Variants in IGSF11 observed in about 807,000 individuals in gnomAD.
The protein encoded by IGSF11 is immunoglobulin superfamily member 11, also known as CXADR like 1.
A neutral mutation model predicts 41.0 loss-of-function variants in IGSF11; 22 were observed. The observed-to-expected ratio is 0.54, with a 90% CI of 0.38 to 0.77. The LOEUF is 0.77. Ranked by LOEUF, IGSF11 falls within the 30% of genes least tolerant of loss-of-function variation. The probability of loss-of-function intolerance (pLI) is 0.00; values close to 1 mark genes in which losing one functional copy is unlikely to be tolerated. For synonymous variants in IGSF11, 219 were observed against 201.3 expected (o/e 1.09, Z -0.74); for missense variants, 444 against 530.8 (o/e 0.84, Z 1.61).
chr3:119,002,307 T>G (rs1443073172), intron 1 of IGSF11, among the ~76,000 whole-genome samples: 1 of 149,548 alleles, frequency 6.7e-6, no homozygotes. Flanking sequence ...TCACCCACTT[T>G]TTGATGGGGT....
At chr3:119,053,515 G>A (rs1941707653) in intron 1 of IGSF11, among the ~76,000 whole-genome samples, 1 of 152,128 alleles carries the variant, frequency 6.6e-6, no homozygotes. Flanking sequence ...AGAAATTATA[G>A]GTGACACAAA....
At position 119,074,865 on chromosome 3, in the gene IGSF11, A is replaced by C. The variant is rs544995500; in HGVS notation, c.49+30279T>G. Reference sequence around the variant, plus strand: ...AGACTCCGTCTCAAAAAAATAAATAAAATAAACAAAAAAAAAGTTAGAAAG... The same window carrying C: ...AGACTCCGTCTCAAAAAAATAAATACAATAAACAAAAAAAAAGTTAGAAAG... On this transcript the variant is annotated intron_variant, in intron 1 of 6. Transcript: ENST00000354673. 5.9e-5 allele frequency among the ~76,000 whole-genome samples: 9 copies of C among 152,198 alleles called. No individual in the cohort carries two copies. In the South Asian group the frequency reaches 1.7e-3, roughly 28 times the overall value.
chr3:119,040,566 C>T (rs186946160), intron 1 of IGSF11, among the ~76,000 whole-genome samples: 24 of 152,292 alleles, frequency 1.6e-4, no homozygotes, highest in African/African-American at 5.8e-4. Flanking sequence ...TTTAAAATCC[C>T]TCTCCCCGTT....
intron 1 of IGSF11, among the ~76,000 whole-genome samples, chr3:119,136,434 T>C (rs930181328): frequency 5.9e-5 from 9 of 152,022 alleles, no homozygotes; most frequent in Non-Finnish European, 1.2e-4. Flanking sequence ...AGAAACACAC[T>C]TCACCTATGA....
At chr3:118,983,371 T>C (rs145332067) in intron 1 of IGSF11, 16 of 152,246 alleles carry the variant, frequency 1.1e-4, no homozygotes, top group African/African-American at 3.6e-4. Context: ...AGAAGTGTGC[T>C]CCAGAATACA....
chr3:119,112,350 G>A (rs895643895), intron 1 of IGSF11, among the ~76,000 whole-genome samples: 12 of 152,194 alleles, frequency 7.9e-5, no homozygotes, highest in Non-Finnish European at 1.2e-4. Context: ...ATCTCAGAGT[G>A]TTGTGCTAGC....
chr3:118,928,459 G>T, intron 3 of IGSF11, 50 bp downstream of exon 3: 1 of 1,438,610 alleles, frequency 7.0e-7, no homozygotes, highest in Non-Finnish European at 9.8e-7. Context: ...ATGCTTGAGA[G>T]TAGCTTCGTG....
chr3:119,122,312 A>G (rs1415674400), intron 1 of IGSF11, among the ~76,000 whole-genome samples: 2 of 152,148 alleles, frequency 1.3e-5, no homozygotes, highest in Admixed American at 6.5e-5. Flanking sequence ...AGAAAACAGA[A>G]CCGAACTGTA....
intron 1 of IGSF11, among the ~76,000 whole-genome samples, chr3:119,001,934 G>C (rs1460142109): frequency 7.3e-6 from 1 of 136,838 alleles, no homozygotes; most frequent in African/African-American, 3.0e-5. Flanking sequence ...ATAAACATAA[G>C]TGTGCATGTG....
chr3:119,058,916 T>C (rs376801170), intron 1 of IGSF11, among the ~76,000 whole-genome samples: 1 of 151,798 alleles, frequency 6.6e-6, no homozygotes, highest in Non-Finnish European at 1.5e-5. Context: ...TAGGTGGGAA[T>C]TGAACAATGA....
chr3:118,977,914 C>G (rs1934298549), intron 1 of IGSF11, among the ~76,000 whole-genome samples: 1 of 152,156 alleles, frequency 6.6e-6, no homozygotes, highest in Admixed American at 6.5e-5. Context: ...GGTCAAGAGT[C>G]TAGAGCAACA....
intron 6 of IGSF11, among the ~76,000 whole-genome samples, chr3:118,903,596 T>C (rs1939194319): frequency 6.6e-6 from 1 of 152,154 alleles, no homozygotes. Context: ...TATCCTGGGG[T>C]AGACTCTATC....
intron 1 of IGSF11, 27 bp from the exon 2 acceptor site, chr3:118,930,302 T>G: frequency 6.3e-7 from 1 of 1,594,052 alleles, no homozygotes; most frequent in Non-Finnish European, 8.5e-7. Context: ...AGGGAGGTTA[T>G]ATGCTCGCCC....
intron 1 of IGSF11, among the ~76,000 whole-genome samples, chr3:118,975,248 A>G (rs1325010414): frequency 6.6e-6 from 1 of 152,180 alleles, no homozygotes; most frequent in Non-Finnish European, 1.5e-5. Flanking sequence ...TGTTTTTTAA[A>G]ATGTTATCCC....
chr3:118,999,910 T>C (rs1008044764), intron 1 of IGSF11, among the ~76,000 whole-genome samples: 3 of 152,002 alleles, frequency 2.0e-5, no homozygotes, highest in Non-Finnish European at 4.4e-5. Flanking sequence ...CCCAGAGTTG[T>C]TGGAAAACAA....
Position 119,034,516 on chromosome 3 carries a change from GC to G in IGSF11, c.52+14del, listed in dbSNP as rs779221969. ...GGCCTGGCCCCACCGGGAAGAAAGG[GC>G]TGGAGCTACTCACCGTGCAGAGAGA... On this transcript the variant is annotated intron_variant, in intron 1 of 6. Coordinates refer to ENST00000393775, the MANE Select transcript of IGSF11 (RefSeq NM_001015887.3). 1 of 1,567,830 alleles carries G rather than the reference GC, an allele frequency of 6.4e-7. No individual in the cohort carries two copies. Among genetic ancestry groups the G allele is most frequent in the Non-Finnish European group, 8.6e-7 (1 of 1,156,990 alleles).
chr3:118,907,287 C>A (rs760577232), intron 4 of IGSF11, among the ~76,000 whole-genome samples: 7 of 152,108 alleles, frequency 4.6e-5, no homozygotes, highest in Non-Finnish European at 8.8e-5. Context: ...TTTATTAATT[C>A]ATTCATTTAA....
intron 1 of IGSF11, among the ~76,000 whole-genome samples, chr3:119,054,614 C>A (rs1237369895): frequency 6.6e-6 from 1 of 152,172 alleles, no homozygotes; most frequent in Non-Finnish European, 1.5e-5. Flanking sequence ...CTATGGAAAA[C>A]AGTGTAGAGG....
At chr3:118,926,643 C>G (rs1012443694) in intron 3 of IGSF11, among the ~76,000 whole-genome samples, 2 of 152,222 alleles carry the variant, frequency 1.3e-5, no homozygotes, top group East Asian at 1.9e-4. Flanking sequence ...GGAAAAACAA[C>G]CATTATCCTG....
Sources: allele counts gnomAD v4.1 joint callset (sites outside exome capture counted in the v4.1 genomes callset), GRCh38; gene constraint gnomAD v4.1.1; transcripts MANE v1.5; gene names NCBI Gene and HGNC (gene_info 2026-07-23, HGNC 2026-07-21).